Variants in PCDHGB5 observed in about 807,000 individuals in gnomAD.
PCDHGB5 encodes protocadherin gamma subfamily B, 5, also known as protocadherin gamma-B5.
Under a neutral mutation model 62.9 loss-of-function variants are expected in PCDHGB5, and 48 were observed. The observed-to-expected ratio is 0.76, with a 90% CI of 0.61 to 0.97. The LOEUF (loss-of-function observed/expected upper bound fraction) is 0.97, where lower values mean the gene tolerates loss of function less well. PCDHGB5 is among the 50% of genes least tolerant of loss of function. The probability of loss-of-function intolerance (pLI) is 0.00; values close to 1 mark genes in which losing one functional copy is unlikely to be tolerated. For missense variants in PCDHGB5, 1,118 were observed against 1,198.6 expected, an observed-to-expected ratio of 0.93 and a Z score of 0.99; for synonymous variants, 474 against 511.2, an observed-to-expected ratio of 0.93 and a Z score of 0.98.
intron 1 of PCDHGB5, among the ~76,000 whole-genome samples, chr5:141,467,475 T>C (rs2099144764): frequency 6.6e-6 from 1 of 152,248 alleles, no homozygotes; most frequent in Non-Finnish European, 1.5e-5. Flanking sequence ...GCATGGTTTT[T>C]GGTTTCCACA....
intron 1 of PCDHGB5, among the ~76,000 whole-genome samples, chr5:141,447,752 G>T (rs2154561873): frequency 6.6e-6 from 1 of 152,280 alleles, no homozygotes; most frequent in Admixed American, 6.5e-5. Context: ...TCTTGCATGT[G>T]ACTGTATATA....
intron 1 of PCDHGB5, chr5:141,420,931 AATC>A: frequency 2.7e-6 from 1 of 369,128 alleles, no homozygotes; most frequent in African/African-American, 2.1e-5. Context: ...AGGTGAGCGT[AATC>A]ATTTCTTCTG....
intron 2 of PCDHGB5, among the ~76,000 whole-genome samples, chr5:141,504,422 T>G (rs1375202110): frequency 6.6e-6 from 1 of 152,078 alleles, no homozygotes; most frequent in Admixed American, 6.6e-5. Context: ...AGACAGGCAC[T>G]ACAACAGCTG....
rs1301800438 is a variant in PCDHGB5, at chr5:141,432,966, C to T, written c.2397+32442C>T. ...TCAGGAGGCGGCTTGACAGGAGCGC[C>T]GGCGTCGCACTTTGTGGGCGTGGAC... On this transcript the variant is annotated intron_variant, in intron 1 of 3. Coordinates refer to ENST00000617380, the MANE Select transcript of PCDHGB5 (RefSeq NM_018925.3). This position sits in a 1 kb window ranked among gnomAD's most constrained non-coding sequence, Gnocchi z 6.0. 1.2e-6 allele frequency: 2 copies of T among 1,614,066 alleles called. No homozygotes were observed. The highest frequency in any genetic ancestry group is 8.5e-7 in the Non-Finnish European group (1 of 1,180,052).
intron 1 of PCDHGB5, among the ~76,000 whole-genome samples, chr5:141,469,317 C>T (rs1354878667): frequency 6.6e-6 from 1 of 152,092 alleles, no homozygotes; most frequent in Non-Finnish European, 1.5e-5. Flanking sequence ...TGGCTCACGC[C>T]TGTAATCCCA....
intron 1 of PCDHGB5, chr5:141,419,522 C>T (rs781128524): frequency 1.5e-5 from 24 of 1,612,178 alleles, no homozygotes; most frequent in Non-Finnish European, 1.9e-5. Flanking sequence ...GGTGGGCGAC[C>T]GTAACGACAA....
intron 1 of PCDHGB5, among the ~76,000 whole-genome samples, chr5:141,472,313 A>G (rs1411876003): frequency 6.7e-6 from 1 of 150,164 alleles, no homozygotes; most frequent in East Asian, 2.0e-4. Context: ...AAGCCGAGGC[A>G]GGCAGATCAC....
chr5:141,405,108 G>A, intron 1 of PCDHGB5: 1 of 1,613,960 alleles, frequency 6.2e-7, no homozygotes, highest in Non-Finnish European at 8.5e-7. Flanking sequence ...CTGAGGCACT[G>A]GCACTCCTCG....
chr5:141,501,326 CA>C (rs1562200763), intron 2 of PCDHGB5, among the ~76,000 whole-genome samples: 18 of 151,784 alleles, frequency 1.2e-4, no homozygotes, highest in African/African-American at 1.9e-4. Flanking sequence ...CACACACACA[CA>C]CACACACCCC....
chr5:141,478,819 C>T, intron 1 of PCDHGB5: 8 of 1,447,842 alleles, frequency 5.5e-6, no homozygotes, highest in South Asian at 3.0e-5. Flanking sequence ...CACAACTAAC[C>T]AATCTTGCTA....
chr5:141,495,300 C>T (rs1249195819), intron 2 of PCDHGB5, among the ~76,000 whole-genome samples: 1 of 152,204 alleles, frequency 6.6e-6, no homozygotes, highest in Non-Finnish European at 1.5e-5. Context: ...AGCGCCTCCT[C>T]CAGAGCCTCC....
At chr5:141,453,909 T>C (rs1484310834) in intron 1 of PCDHGB5, among the ~76,000 whole-genome samples, 1 of 152,236 alleles carries the variant, frequency 6.6e-6, no homozygotes, top group Non-Finnish European at 1.5e-5. Flanking sequence ...TTTCAAAGTA[T>C]GTCAGTGATC....
intron 1 of PCDHGB5, chr5:141,402,874 C>T: frequency 2.7e-6 from 4 of 1,460,728 alleles, no homozygotes; most frequent in South Asian, 1.5e-5. Flanking sequence ...GATCACCATA[C>T]TTTGCAGGGT....
chr5:141,448,704 G>A (rs1272148301), intron 1 of PCDHGB5, among the ~76,000 whole-genome samples: 1 of 152,134 alleles, frequency 6.6e-6, no homozygotes. Flanking sequence ...ACTTTGGGAG[G>A]CCGAGGCGGG....
intron 3 of PCDHGB5, among the ~76,000 whole-genome samples, chr5:141,506,429 A>G (rs1406730781): frequency 7.0e-6 from 1 of 143,144 alleles, no homozygotes; most frequent in Non-Finnish European, 1.5e-5. Flanking sequence ...CCTGGGCAAC[A>G]GTCTCGCTCT....
chr5:141,401,394 T>C (rs1444370873), intron 1 of PCDHGB5, among the ~76,000 whole-genome samples: 1 of 152,158 alleles, frequency 6.6e-6, no homozygotes, highest in Non-Finnish European at 1.5e-5. Context: ...CTACATGTTA[T>C]GTGTATGAGA....
chr5:141,404,501 C>T, intron 1 of PCDHGB5: 2 of 1,613,792 alleles, frequency 1.2e-6, no homozygotes, highest in Non-Finnish European at 1.7e-6. Context: ...GCTGTATGCT[C>T]TGTGCTCCTT....
intron 1 of PCDHGB5, among the ~76,000 whole-genome samples, chr5:141,451,826 A>G (rs2098725686): frequency 6.6e-6 from 1 of 151,720 alleles, no homozygotes; most frequent in Non-Finnish European, 1.5e-5. Context: ...GGTTACAGTG[A>G]GCCGAGATCA....
intron 1 of PCDHGB5, chr5:141,417,070 G>A (rs1324168481): frequency 6.6e-6 from 1 of 151,864 alleles, no homozygotes; most frequent in Non-Finnish European, 1.5e-5. Flanking sequence ...TGTAGCTATT[G>A]TGAGAAAATA....
Sources: gnomAD v4.1 joint callset for allele counts (sites outside exome capture counted in the v4.1 genomes callset) on GRCh38, gnomAD v4.1.1 for gene constraint, Gnocchi (gnomAD v3.1) non-coding constraint, MANE v1.5 for transcripts, NCBI Gene and HGNC (gene_info 2026-07-23, HGNC 2026-07-21) for gene names.